Variants in VPS13D observed in about 807,000 individuals in gnomAD.
The protein encoded by VPS13D is vacuolar protein sorting 13 homolog D, also known as intermembrane lipid transfer protein VPS13D.
Under a neutral mutation model 461.9 loss-of-function variants are expected in VPS13D, and 187 were observed. The observed-to-expected ratio is 0.40, with a 90% CI of 0.36 to 0.46. VPS13D has a LOEUF of 0.46. VPS13D is among the 20% of genes least tolerant of loss of function. The pLI, the probability that VPS13D is intolerant of heterozygous loss-of-function variation, is 0.60. For missense variants in VPS13D, 4,711 were observed against 5,364.9 expected, an observed-to-expected ratio of 0.88 and a Z score of 3.81; for synonymous variants, 1,951 against 1,986.3, an observed-to-expected ratio of 0.98 and a Z score of 0.47.
chr1:12,305,365 C>T (rs1642532837), intron 26 of VPS13D, among the ~76,000 whole-genome samples: 1 of 152,140 alleles, frequency 6.6e-6, no homozygotes, highest in African/African-American at 2.4e-5. Context: ...GCACTGACCT[C>T]CTGAGCTCAC....
At chr1:12,242,963 T>C (rs1328956082) in intron 3 of VPS13D, among the ~76,000 whole-genome samples, 1 of 151,682 alleles carries the variant, frequency 6.6e-6, no homozygotes, top group Non-Finnish European at 1.5e-5. Context: ...CTTTTCTTTT[T>C]TTTTTTTCAG....
In VPS13D at chr1:12,506,895, C is replaced by A. The variant is rs1360025723; in HGVS notation, c.12837C>A (p.Ile4279=). 8.7e-6 allele frequency: 14 copies of A among 1,614,268 alleles called. No homozygotes were observed. Among genetic ancestry groups the A allele is most frequent in the Non-Finnish European group, 1.2e-5 (14 of 1,180,046 alleles). ...ACATTGACAGCTACTGCGTGCTCAT[C>A]TCCTCCAAAGCTGTTTACTTCCTGA... ...VENIDSYCVL[I]SSKAVYFLKS... Residue 4279 remains isoleucine (I), a synonymous_variant, in exon 69 of 70, where the codon ATC becomes ATA. Coordinates refer to ENST00000620676, the MANE Select transcript of VPS13D (RefSeq NM_015378.4).
At position 12,299,213 on chromosome 1, in the gene VPS13D, A is replaced by G; in HGVS notation, c.6045A>G (p.Gln2015=). 6.3e-7 allele frequency: 1 copy of G among 1,577,720 alleles called. No homozygotes were observed. Among genetic ancestry groups the G allele is most frequent in the Non-Finnish European group, 8.6e-7 (1 of 1,166,574 alleles). ...CCTTCCTCTTTCAGGTGAGAGATCAAGCCCAGCGCTGTTCACGGGTTCTCC... is the reference window on the plus strand; with the variant it reads ...CCTTCCTCTTTCAGGTGAGAGATCAGGCCCAGCGCTGTTCACGGGTTCTCC... ...AAIEGQTVRD[Q]AQRCSRVLLD... The change falls in exon 25 of 70, where the codon CAA becomes CAG. Residue 2015 remains glutamine, a synonymous_variant. Transcript: ENST00000620676. The surrounding 1 kb of genome is among the most constrained non-coding windows in gnomAD (Gnocchi z 4.2).
In VPS13D at chr1:12,276,525, G is replaced by A. The variant is rs759622076; in HGVS notation, c.2937G>A (p.Lys979=). Residue 979 remains lysine (K), a synonymous_variant, in exon 19 of 70, where the codon AAG becomes AAA. Transcript: ENST00000620676. This position sits in a 1 kb window ranked among gnomAD's most constrained non-coding sequence, Gnocchi z 4.5. The part of the protein sequence containing the change: ...ESNGRYISVL[K]VFGTNAHFVK... ...ATGGCCGGTACATTTCTGTGCTCAA[G>A]GTGTTTGGTACCAATGCTCACTTTG... The A allele has an allele frequency of 6.2e-7, 1 of 1,614,134 alleles. No individual in the cohort carries two copies. The highest frequency in any genetic ancestry group is 1.1e-5 in the South Asian group (1 of 91,076).
intron 65 of VPS13D, among the ~76,000 whole-genome samples, chr1:12,425,002 G>A (rs566090064): frequency 6.6e-6 from 1 of 152,300 alleles, no homozygotes; most frequent in South Asian, 2.1e-4. Flanking sequence ...CCTTGGCATT[G>A]TGGTCATGCA....
intron 65 of VPS13D, among the ~76,000 whole-genome samples, chr1:12,428,951 C>G (rs1333109828): frequency 1.3e-5 from 2 of 152,156 alleles, no homozygotes; most frequent in Non-Finnish European, 2.9e-5. Flanking sequence ...CTGCACAGTT[C>G]CATGAGAGAA....
intron 65 of VPS13D, among the ~76,000 whole-genome samples, chr1:12,446,880 G>T (rs917630633): frequency 1.3e-5 from 2 of 152,158 alleles, no homozygotes; most frequent in African/African-American, 4.8e-5. Context: ...ATGTAAGCTG[G>T]TGTGGTGTGA....
At chr1:12,242,401 G>A (rs887872642) in intron 2 of VPS13D, 112 bp from the exon 3 acceptor site, 6 of 904,422 alleles carry the variant, frequency 6.6e-6, no homozygotes, top group Non-Finnish European at 8.6e-6. Context: ...TTCACATGAC[G>A]TAGCCTATTC....
intron 27 of VPS13D, among the ~76,000 whole-genome samples, chr1:12,310,817 C>CTCCTTCCCTCCTTCCT (rs1642720987): frequency 1.6e-5 from 2 of 124,782 alleles, no homozygotes; most frequent in Non-Finnish European, 3.4e-5. Context: ...CCCTCCCTCC[C>CTCCTTCCCTCCTTCCT]TCCTTCCCTC....
chr1:12,486,053 G>A (rs1010494536), intron 67 of VPS13D, among the ~76,000 whole-genome samples: 7 of 152,142 alleles, frequency 4.6e-5, no homozygotes, highest in African/African-American at 1.7e-4. Flanking sequence ...AGGCGCTATG[G>A]CAAGAGGCGG....
rs550269798 is a variant in VPS13D at position 12,320,542 on chromosome 1, C to T, written c.7548+912C>T. Among the ~76,000 whole-genome samples the T allele has an allele frequency of 1.8e-4, 27 of 152,244 alleles. No homozygotes were observed. In the South Asian group the frequency reaches 5.6e-3, roughly 32 times the overall value. ...TTGAGACAAACATAGTGGAATAAAGCCTGTAGGGACTCTACTTCTTGACCA... is the reference window on the plus strand; with the variant it reads ...TTGAGACAAACATAGTGGAATAAAGTCTGTAGGGACTCTACTTCTTGACCA... On this transcript the variant is annotated intron_variant, in intron 32 of 69. Coordinates refer to ENST00000620676, the MANE Select transcript of VPS13D (RefSeq NM_015378.4).
intron 37 of VPS13D, among the ~76,000 whole-genome samples, chr1:12,330,439 T>G (rs1643301267): frequency 6.6e-6 from 1 of 152,140 alleles, no homozygotes; most frequent in African/African-American, 2.4e-5. Flanking sequence ...AAGTGATGTT[T>G]TTATAGTTAA....
intron 65 of VPS13D, among the ~76,000 whole-genome samples, chr1:12,426,181 C>T (rs974662850): frequency 5.9e-5 from 9 of 152,156 alleles, no homozygotes; most frequent in African/African-American, 1.4e-4. Flanking sequence ...AGTAAGCTGA[C>T]GAAGCTGATG....
chr1:12,259,666 C>G (rs1238503059), intron 10 of VPS13D, among the ~76,000 whole-genome samples: 6 of 152,146 alleles, frequency 3.9e-5, no homozygotes, highest in Non-Finnish European at 7.4e-5. Flanking sequence ...TTATTTACAA[C>G]TGAGATGAGC....
rs1181507737 is a variant in VPS13D at position 12,256,972 on chromosome 1, A to C, written c.841-15A>C. 1 of 1,613,744 alleles carries C rather than the reference A, an allele frequency of 6.2e-7. No homozygotes were observed. The highest frequency in any genetic ancestry group is 2.2e-5 in the East Asian group (1 of 44,868). ...ACCTATTCTAACCTAGTATCTCTTAACCTCTAATACAAAGCTGCAATACCG... is the reference window on the plus strand; with the variant it reads ...ACCTATTCTAACCTAGTATCTCTTACCCTCTAATACAAAGCTGCAATACCG... On this transcript the variant is annotated splice_polypyrimidine_tract_variant and intron_variant, in intron 8 of 69. Coordinates refer to ENST00000620676, the MANE Select transcript of VPS13D (RefSeq NM_015378.4).
intron 62 of VPS13D, 74 bp from the exon 63 acceptor site, chr1:12,403,751 A>G: frequency 2.1e-6 from 3 of 1,408,486 alleles, no homozygotes; most frequent in Non-Finnish European, 1.9e-6. Flanking sequence ...TTTCTATGTG[A>G]ATACAAAGTG....
At chr1:12,337,783 CCT>C in intron 39 of VPS13D, 1 of 157,300 alleles carries the variant, frequency 6.4e-6, no homozygotes, top group Admixed American at 6.1e-5. Flanking sequence ...TGACTCTTCC[CCT>C]GAATTTTTGA....
At chr1:12,488,939 G>T (rs527707645) in intron 67 of VPS13D, among the ~76,000 whole-genome samples, 2 of 152,230 alleles carry the variant, frequency 1.3e-5, no homozygotes, top group East Asian at 3.9e-4. Context: ...ATTGTAAAGC[G>T]CCTTGTTCTT....
chr1:12,433,949 AGT>A (rs563130284), intron 65 of VPS13D, among the ~76,000 whole-genome samples: 90 of 144,830 alleles, frequency 6.2e-4, no homozygotes, highest in African/African-American at 1.4e-3. Context: ...AGAGAGAGAG[AGT>A]GTGTGTGTGT....
Sources: gnomAD v4.1 joint callset for allele counts (sites outside exome capture counted in the v4.1 genomes callset) on GRCh38, gnomAD v4.1.1 for gene constraint, Gnocchi (gnomAD v3.1) non-coding constraint, MANE v1.5 for transcripts, NCBI Gene and HGNC (gene_info 2026-07-23, HGNC 2026-07-21) for gene names.